NPHP4: variants seen among roughly 807,000 people sequenced by gnomAD.
NPHP4 encodes the protein nephrocystin 4.
Under a neutral mutation model 155.8 loss-of-function variants are expected in NPHP4, and 151 were observed. That is an observed-to-expected ratio of 0.97 (90% CI 0.85 to 1.11). The LOEUF (loss-of-function observed/expected upper bound fraction) is 1.11. NPHP4 is among the 50% of genes least tolerant of loss of function. NPHP4 has a pLI of 0.00. For synonymous variants in NPHP4, 845 were observed against 816.8 expected, an observed-to-expected ratio of 1.03 and a Z score of -0.59; for missense variants, 1,956 against 1,925.7, an observed-to-expected ratio of 1.02 and a Z score of -0.29.
chr1:5,917,529 A>G (rs1323133211), intron 11 of NPHP4, among the ~76,000 whole-genome samples: 5 of 152,180 alleles, frequency 3.3e-5, no homozygotes, highest in Admixed American at 1.3e-4. Flanking sequence ...TTTCTGACAC[A>G]TGAGCCAATA....
At chr1:5,951,151 G>A (rs6693231) in intron 7 of NPHP4, among the ~76,000 whole-genome samples, 10 of 152,186 alleles carry the variant, frequency 6.6e-5, no homozygotes, top group Non-Finnish European at 1.3e-4. Flanking sequence ...GGGAATGGGC[G>A]GGGAGGAAGG....
intron 9 of NPHP4, among the ~76,000 whole-genome samples, chr1:5,937,353 G>A (rs753407526): frequency 1.3e-5 from 2 of 152,244 alleles, no homozygotes; most frequent in Non-Finnish European, 2.9e-5. Context: ...TTGAGCTGTG[G>A]AGGGTGTGAC....
Position 5,890,747 on chromosome 1 carries a change from G to A in NPHP4, c.2304+121C>T. On this transcript the variant is annotated intron_variant, in intron 17 of 29. Coordinates refer to ENST00000378156, the MANE Select transcript of NPHP4 (RefSeq NM_015102.5). This position sits in a 1 kb window ranked among gnomAD's most constrained non-coding sequence, Gnocchi z 4.9. Reference sequence around the variant, plus strand: ...CTATTTTTAACGAGTGAACAAAGAAGGTCAAACAAGTCCTGTGCGGGATAG... The same window carrying A: ...CTATTTTTAACGAGTGAACAAAGAAAGTCAAACAAGTCCTGTGCGGGATAG... The A allele has an allele frequency of 3.8e-6, 3 of 794,896 alleles. No individual in the cohort carries two copies. Among genetic ancestry groups the A allele is most frequent in the East Asian group, 2.9e-5 (1 of 34,470 alleles). The allele number at this position is 794,896 out of a possible 1,614,324, so 49.2% of individuals were successfully genotyped here.
chr1:5,961,889 G>A lies in NPHP4; in HGVS notation c.578C>T (p.Pro193Leu), dbSNP rs779760001. Residue 193 changes from proline to leucine, a missense_variant, in exon 6 of 30, where the codon CCG becomes CTG. Physicochemically the swap from Pro to Leu is moderately conservative, Grantham distance 98. Transcript: ENST00000378156. ...CSLQYTLKPH[P>L]ALEPAFHLLP... Reference sequence around the variant, plus strand: ...AAGGTGGAACGCAGGCTCCAGGGCCGGGTGTGGCTTCAGCGTGTACTGCAG... The same window carrying A: ...AAGGTGGAACGCAGGCTCCAGGGCCAGGTGTGGCTTCAGCGTGTACTGCAG... 130 of 1,613,642 alleles carry A rather than the reference G, an allele frequency of 8.1e-5. 1 individual carries two copies. The South Asian group carries it at 8.7e-4, about 11-fold the overall frequency.
At chr1:5,953,849 CT>C (rs1648669485) in intron 6 of NPHP4, among the ~76,000 whole-genome samples, 1 of 152,226 alleles carries the variant, frequency 6.6e-6, no homozygotes, top group African/African-American at 2.4e-5. Context: ...GACTCTGCCC[CT>C]TCTTTCTCCA....
rs1557768242 is a variant in NPHP4, at chr1:5,933,239, T to C, written c.1210A>G (p.Arg404Gly). The change falls in exon 10 of 30, where the codon AGG becomes GGG. Residue 404 changes from arginine (R) to glycine (G), a missense_variant. Coordinates refer to ENST00000378156, the MANE Select transcript of NPHP4 (RefSeq NM_015102.5). ...CCACCCTGCAGAGGCAGGGTCACCC[T>C]TCCAGAATCAGCTTCCAGCAAGGGG... Reference protein sequence around the residue: ...WNPLLEADSGRVTLPLQGGIQ... With the variant: ...WNPLLEADSGGVTLPLQGGIQ... 1.2e-6 allele frequency: 2 copies of C among 1,613,806 alleles called. No individual in the cohort carries two copies. The highest frequency in any genetic ancestry group is 3.3e-5 in the Admixed American group (2 of 60,008).
chr1:5,961,564 G>A (rs1249677420), intron 6 of NPHP4, among the ~76,000 whole-genome samples: 1 of 152,154 alleles, frequency 6.6e-6, no homozygotes, highest in Non-Finnish European at 1.5e-5. Context: ...AACCAAAGCA[G>A]CCAGAAATGA....
chr1:5,921,604 T>C (rs1645743426), intron 11 of NPHP4, among the ~76,000 whole-genome samples: 1 of 152,254 alleles, frequency 6.6e-6, no homozygotes. Context: ...TTTATGGTTA[T>C]TGGTTATTCT....
chr1:5,926,408 A>G (rs543836324), intron 11 of NPHP4, among the ~76,000 whole-genome samples: 3 of 152,364 alleles, frequency 2.0e-5, no homozygotes, highest in African/African-American at 4.8e-5. Flanking sequence ...AAATCAGAGT[A>G]CAGAGTAGGT....
rs142406925 is a variant in NPHP4, at chr1:5,898,723, G to T, written c.2143+5894C>A. Among the ~76,000 whole-genome samples, 801 of 152,332 alleles carry T rather than the reference G, an allele frequency of 5.3e-3. 6 individuals are homozygous for T. Among genetic ancestry groups the T allele is most frequent in the African/African-American group, 0.018 (750 of 41,574 alleles). On this transcript the variant is annotated intron_variant, in intron 16 of 29. Coordinates refer to ENST00000378156, the MANE Select transcript of NPHP4 (RefSeq NM_015102.5). Reference sequence around the variant, plus strand: ...ATTTTCCTTAGGACAACTATTCAGGGCTGGGAATTGGCTTGTCTAAATTTG... The same window carrying T: ...ATTTTCCTTAGGACAACTATTCAGGTCTGGGAATTGGCTTGTCTAAATTTG...
In NPHP4 at chr1:5,863,347, C is replaced by T. The variant is rs756370237; in HGVS notation, c.4199G>A (p.Gly1400Asp). Residue 1400 changes from glycine (G) to aspartate (D), a missense_variant, in exon 30 of 30, where the codon GGT (glycine) becomes GAT (aspartate). Physicochemically the swap from Gly to Asp is moderately conservative, Grantham distance 94. Transcript: ENST00000378156. Reference sequence around the variant, plus strand: ...GATGTAGATCAGGATCTCCTCCTCACCCACTCTCTGACTAGGCGCAAACTG... The same window carrying T: ...GATGTAGATCAGGATCTCCTCCTCATCCACTCTCTGACTAGGCGCAAACTG... The part of the protein sequence containing the change: ...GLQFAPSQRV[G>D]EEEILIYIND... 1.2e-6 allele frequency: 2 copies of T among 1,613,852 alleles called. No individual in the cohort carries two copies. The highest frequency in any genetic ancestry group is 2.2e-5 in the East Asian group (1 of 44,898).
At chr1:5,871,068 G>A (rs1383642592) in intron 23 of NPHP4, among the ~76,000 whole-genome samples, 1 of 152,218 alleles carries the variant, frequency 6.6e-6, no homozygotes, top group Non-Finnish European at 1.5e-5. Flanking sequence ...AAGTGTCATG[G>A]AGTAAAGGGC....
chr1:5,901,162 TA>T (rs1447709146), intron 16 of NPHP4, among the ~76,000 whole-genome samples: 7 of 152,232 alleles, frequency 4.6e-5, no homozygotes, highest in Non-Finnish European at 8.8e-5. Flanking sequence ...AATTTTTCTG[TA>T]AACCTAAAAC....
chr1:5,936,624 A>T (rs1646555057), intron 9 of NPHP4, among the ~76,000 whole-genome samples: 1 of 152,234 alleles, frequency 6.6e-6, no homozygotes, highest in African/African-American at 2.4e-5. Context: ...AAAATACACA[A>T]TACACAAAAG....
Position 5,880,094 on chromosome 1 carries a change from G to T in NPHP4, c.2611+20C>A. On this transcript the variant is annotated intron_variant, in intron 19 of 29. Transcript: ENST00000378156. ...CCACTCACGACCCACCCACACATGG[G>T]CCCAACAGTGTAAACTCACGCCTTG... The T allele has an allele frequency of 1.2e-6, 2 of 1,613,358 alleles. No individual in the cohort carries two copies. The highest frequency in any genetic ancestry group is 1.7e-6 in the Non-Finnish European group (2 of 1,179,576).
chr1:5,987,793 A>G (rs957381821), intron 1 of NPHP4, among the ~76,000 whole-genome samples: 1 of 152,198 alleles, frequency 6.6e-6, no homozygotes, highest in Admixed American at 6.5e-5. Context: ...CATTTTCACT[A>G]AGAAGAATGA....
At chr1:5,884,901 A>C (rs1387830090) in intron 18 of NPHP4, among the ~76,000 whole-genome samples, 1 of 139,540 alleles carries the variant, frequency 7.2e-6, no homozygotes, top group African/African-American at 2.7e-5. Flanking sequence ...ATAACTGCCC[A>C]AGCTCCCAGC....
chr1:5,867,047 A>C lies in NPHP4; in HGVS notation c.3541T>G (p.Cys1181Gly). The change falls in exon 25 of 30, where the codon TGT becomes GGT. Residue 1181 changes from cysteine (C) to glycine (G), a missense_variant. Cys to Gly is a radical substitution (Grantham distance 159). Transcript: ENST00000378156. The surrounding 1 kb of genome is among the most constrained non-coding windows in gnomAD (Gnocchi z 4.1). ...CAACCTACCACATTCTGGGTCTCAC[A>C]GATGACGTTCGGGTCGCTGCAGCGA... ...HVRCSDPNVI[C>G]ETQNVGPGEP... 1.2e-6 allele frequency: 2 copies of C among 1,613,050 alleles called. No individual in the cohort carries two copies. The highest frequency in any genetic ancestry group is 1.7e-6 in the Non-Finnish European group (2 of 1,179,470).
At chr1:5,971,539 C>T (rs1377760530) in intron 3 of NPHP4, among the ~76,000 whole-genome samples, 3 of 152,196 alleles carry the variant, frequency 2.0e-5, no homozygotes, top group African/African-American at 7.2e-5. Flanking sequence ...GCCTCGAAGG[C>T]TTCATAAACG....
Sources: gnomAD v4.1 joint callset for allele counts (sites outside exome capture counted in the v4.1 genomes callset) on GRCh38, gnomAD v4.1.1 for gene constraint, Gnocchi (gnomAD v3.1) non-coding constraint, MANE v1.5 for transcripts, NCBI Gene and HGNC (gene_info 2026-07-23, HGNC 2026-07-21) for gene names.